SLC2A14: variants seen among roughly 807,000 people sequenced by gnomAD.
SLC2A14 encodes the protein solute carrier family 2 member 14.
SLC2A14 carries 13 observed loss-of-function variants against 43.0 expected under a neutral mutation model. The ratio of observed to expected loss-of-function variants is 0.30; its 90% confidence interval spans 0.20 to 0.48. SLC2A14 has a LOEUF of 0.48. SLC2A14 is among the 20% of genes least tolerant of loss of function. The pLI, the probability that SLC2A14 is intolerant of heterozygous loss-of-function variation, is 0.99. For synonymous variants in SLC2A14, 190 were observed against 233.8 expected, an observed-to-expected ratio of 0.81 and a Z score of 1.71; for missense variants, 428 against 620.4, an observed-to-expected ratio of 0.69 and a Z score of 3.29.
chr12:7,856,585 A>G (rs1313411799), intron 2 of SLC2A14: 1 of 152,208 alleles, frequency 6.6e-6, no homozygotes, highest in East Asian at 1.9e-4. Context: ...GTGGTGCAAG[A>G]TGCACAATTT....
chr12:7,861,253 T>C (rs768348510), intron 2 of SLC2A14, among the ~76,000 whole-genome samples: 1 of 152,080 alleles, frequency 6.6e-6, no homozygotes, highest in East Asian at 1.9e-4. Context: ...TTTTTTTTGG[T>C]GGGGGGGAGG....
intron 2 of SLC2A14, among the ~76,000 whole-genome samples, chr12:7,854,101 G>A (rs1015042645): frequency 6.6e-6 from 1 of 152,040 alleles, no homozygotes; most frequent in East Asian, 1.9e-4. Flanking sequence ...GAAGTGATTA[G>A]AGTCATATAT....
intron 2 of SLC2A14, among the ~76,000 whole-genome samples, chr12:7,858,595 G>C (rs947659267): frequency 6.6e-6 from 1 of 152,122 alleles, no homozygotes; most frequent in African/African-American, 2.4e-5. Flanking sequence ...CGCCTCCCGG[G>C]TTCAAGCGAT....
At chr12:7,826,881 C>CTT (rs1438471434) in intron 7 of SLC2A14, among the ~76,000 whole-genome samples, 1 of 46,466 alleles carries the variant, frequency 2.2e-5, no homozygotes, top group East Asian at 5.2e-4. Flanking sequence ...TTCTTTCTTT[C>CTT]TTTCTTTCTT....
intron 7 of SLC2A14, among the ~76,000 whole-genome samples, 165 bp from the exon 8 acceptor site, chr12:7,821,490 C>T (rs1863905264): frequency 1.3e-5 from 2 of 152,106 alleles, no homozygotes; most frequent in Admixed American, 1.3e-4. Flanking sequence ...TGAGACCAGC[C>T]TGGCCAATAT....
At chr12:7,885,061 A>G (rs1945665944) in intron 1 of SLC2A14, among the ~76,000 whole-genome samples, 2 of 152,300 alleles carry the variant, frequency 1.3e-5, no homozygotes, top group East Asian at 3.9e-4. Context: ...TTTGGTATAC[A>G]TAGTAATTCA....
At chr12:7,842,547 G>C (rs1412615476) in intron 2 of SLC2A14, among the ~76,000 whole-genome samples, 1 of 152,062 alleles carries the variant, frequency 6.6e-6, no homozygotes, top group Non-Finnish European at 1.5e-5. Context: ...ACAGTTCTTT[G>C]AGTTCCTTAA....
intron 7 of SLC2A14, among the ~76,000 whole-genome samples, chr12:7,823,873 T>C (rs981595376): frequency 3.3e-5 from 5 of 152,222 alleles, no homozygotes; most frequent in African/African-American, 1.2e-4. Context: ...AATATGGACC[T>C]CTACATTGGG....
At chr12:7,872,677 G>T in intron 1 of SLC2A14, 130 bp downstream of exon 1, 1 of 713,436 alleles carries the variant, frequency 1.4e-6, no homozygotes, top group Non-Finnish European at 1.7e-6. Context: ...CAGAGCCGCA[G>T]CTCTCTTCTT....
At chr12:7,859,649 A>G (rs1410235841) in intron 2 of SLC2A14, among the ~76,000 whole-genome samples, 4 of 152,106 alleles carry the variant, frequency 2.6e-5, no homozygotes, top group African/African-American at 9.7e-5. Flanking sequence ...GAAAACCAAG[A>G]GAATGAATCA....
chr12:7,867,429 T>C (rs1259535149), intron 2 of SLC2A14, among the ~76,000 whole-genome samples: 1 of 151,978 alleles, frequency 6.6e-6, no homozygotes, highest in African/African-American at 2.4e-5. Context: ...GAAGTAACTG[T>C]AGATGTGGTA....
intron 2 of SLC2A14, among the ~76,000 whole-genome samples, chr12:7,869,514 C>T (rs1317639459): frequency 1.3e-5 from 2 of 152,084 alleles, no homozygotes; most frequent in Admixed American, 6.6e-5. Context: ...ACTCTTCACG[C>T]GTATATAGCC....
intron 2 of SLC2A14, among the ~76,000 whole-genome samples, chr12:7,868,556 G>A (rs1489466307): frequency 2.0e-5 from 3 of 151,850 alleles, no homozygotes; most frequent in Non-Finnish European, 2.9e-5. Flanking sequence ...TCTCTATCAG[G>A]GTAGTCATAG....
At chr12:7,843,538 C>CCT (rs1203911188) in intron 2 of SLC2A14, among the ~76,000 whole-genome samples, 1 of 137,210 alleles carries the variant, frequency 7.3e-6, no homozygotes, top group Admixed American at 7.5e-5. Context: ...GTAAAGACCC[C>CCT]CCTCCTCCCC....
chr12:7,827,906 C>T (rs758562295), intron 6 of SLC2A14, among the ~76,000 whole-genome samples: 57 of 152,138 alleles, frequency 3.7e-4, no homozygotes, highest in African/African-American at 1.3e-3. Context: ...TTTGTGAGGC[C>T]GAGGCTTGTG....
intron 4 of SLC2A14, among the ~76,000 whole-genome samples, chr12:7,830,980 C>T (rs1335100165): frequency 5.9e-5 from 9 of 151,726 alleles, no homozygotes; most frequent in Admixed American, 3.9e-4. Flanking sequence ...AAAAATTAGC[C>T]GAGCGTGGTG....
At chr12:7,820,619 G>A (rs1381496319) in intron 8 of SLC2A14, among the ~76,000 whole-genome samples, 2 of 152,146 alleles carry the variant, frequency 1.3e-5, no homozygotes, top group African/African-American at 4.8e-5. Flanking sequence ...TTGTTTTAGT[G>A]TAAAAACAGA....
chr12:7,869,984 G>T, intron 1 of SLC2A14, 47 bp from the exon 2 acceptor site: 1 of 1,230,118 alleles, frequency 8.1e-7, no homozygotes, highest in Non-Finnish European at 1.1e-6. Flanking sequence ...ATCTACTTAA[G>T]CTCCTTGAGG....
At chr12:7,890,138 A>C (rs1945750803) in intron 1 of SLC2A14, among the ~76,000 whole-genome samples, 1 of 151,992 alleles carries the variant, frequency 6.6e-6, no homozygotes, top group African/African-American at 2.4e-5. Context: ...ACCATCTGGG[A>C]ATGCAGCCCA....
Sources: allele counts gnomAD v4.1 joint callset (sites outside exome capture counted in the v4.1 genomes callset), GRCh38; gene constraint gnomAD v4.1.1; transcripts MANE v1.5; gene names NCBI Gene and HGNC (gene_info 2026-07-23, HGNC 2026-07-21).